NSF: variants seen among roughly 807,000 people sequenced by gnomAD.
NSF encodes the protein vesicle-fusing ATPase.
A neutral mutation model predicts 50.3 loss-of-function variants in NSF; 14 were observed. That is an observed-to-expected ratio of 0.28 (90% CI 0.18 to 0.44). The LOEUF (loss-of-function observed/expected upper bound fraction) is 0.44, where lower values mean the gene tolerates loss of function less well. Ranked by LOEUF, NSF falls within the 20% of genes least tolerant of loss-of-function variation. NSF has a pLI of 1.00. For missense variants in NSF, 218 were observed against 504.3 expected, an observed-to-expected ratio of 0.43 and a Z score of 5.44; for synonymous variants, 109 against 175.7, an observed-to-expected ratio of 0.62 and a Z score of 3.00.
rs140637553 is a variant in NSF at position 46,723,427 on chromosome 17, G to A, written c.1762-3122G>A. On this transcript the variant is annotated intron_variant, in intron 15 of 20. Coordinates refer to ENST00000398238, the MANE Select transcript of NSF (RefSeq NM_006178.4). ...TCTTCAAAAAAAGTAGCAAAGAACC[G>A]CTGTAGAACTGCTTCTGAGCTTTTC... Among the ~76,000 whole-genome samples, 333 of 152,308 alleles carry A rather than the reference G, an allele frequency of 2.2e-3. 3 individuals are homozygous for A. The highest frequency in any genetic ancestry group is 7.8e-3 in the African/African-American group (326 of 41,564).
rs1568013977 is a variant in NSF at position 46,610,045 on chromosome 17, T to TC, written c.13-14199_13-14198insC. ...TCTTTCTTTCTCTCTCTCTCTCTCT[T>TC]TCTTTCTTTCTTTCTTTCTTTCCTT... is the stretch of plus-strand genomic sequence containing the variant. On this transcript the variant is annotated intron_variant, in intron 1 of 20. Coordinates refer to ENST00000398238, the MANE Select transcript of NSF (RefSeq NM_006178.4). Among the ~76,000 whole-genome samples, 20 of 86,280 alleles carry TC rather than the reference T, an allele frequency of 2.3e-4. 1 individual carries two copies. The highest frequency in any genetic ancestry group is 4.2e-4 in the Non-Finnish European group (15 of 35,654). 56.6% of individuals were successfully genotyped at this position (86,280 alleles called of 152,430 possible).
intron 1 of NSF, among the ~76,000 whole-genome samples, chr17:46,597,775 T>TTGG (rs2057873424): frequency 1.5e-5 from 2 of 136,786 alleles, no homozygotes; most frequent in South Asian, 4.5e-4. Flanking sequence ...GTTTTTGTTG[T>TTGG]TGTTGCAATA....
At chr17:46,751,347 G>A (rs2059180079) in intron 18 of NSF, among the ~76,000 whole-genome samples, 156 bp from the exon 19 acceptor site, 1 of 152,204 alleles carries the variant, frequency 6.6e-6, no homozygotes, top group African/African-American at 2.4e-5. Context: ...GGTTTAGGAT[G>A]GTGAAGGTCA....
Position 46,722,794 on chromosome 17 carries a change from A to T in NSF, c.1762-3755A>T, listed in dbSNP as rs951091044. Among the ~76,000 whole-genome samples the T allele has an allele frequency of 6.6e-5, 10 of 152,310 alleles. No homozygotes were observed. In the South Asian group the frequency reaches 8.3e-4, roughly 13 times the overall value. On this transcript the variant is annotated intron_variant, in intron 15 of 20. Coordinates refer to ENST00000398238, the MANE Select transcript of NSF (RefSeq NM_006178.4). ...TGTATGTATGTATTTAAATTAGAGC[A>T]GAGTAGCTACCCGGAGGAGTTTCAG... is the stretch of plus-strand genomic sequence containing the variant.
At chr17:46,685,152 A>G (rs1019182338) in intron 9 of NSF, among the ~76,000 whole-genome samples, 4 of 144,574 alleles carry the variant, frequency 2.8e-5, no homozygotes, top group African/African-American at 1.0e-4. Context: ...AACACTAGGC[A>G]GAAGTGAGTT....
At chr17:46,592,900 T>TGAGG (rs2057853629) in intron 1 of NSF, among the ~76,000 whole-genome samples, 1 of 137,624 alleles carries the variant, frequency 7.3e-6, no homozygotes, top group African/African-American at 2.7e-5. Flanking sequence ...GCTGGGAATC[T>TGAGG]GAGGGAGGGA....
At chr17:46,728,480 C>A (rs954130996) in intron 16 of NSF, among the ~76,000 whole-genome samples, 1 of 151,626 alleles carries the variant, frequency 6.6e-6, no homozygotes, top group Non-Finnish European at 1.5e-5. Context: ...TTTATAGAGC[C>A]GAGTACAGTG....
At chr17:46,750,679 T>C (rs976600507) in intron 18 of NSF, among the ~76,000 whole-genome samples, 2 of 152,216 alleles carry the variant, frequency 1.3e-5, no homozygotes, top group Non-Finnish European at 2.9e-5. Flanking sequence ...TTGCTCTGTA[T>C]CCAGCATGAG....
intron 17 of NSF, among the ~76,000 whole-genome samples, chr17:46,732,604 A>T (rs1028198401): frequency 6.6e-6 from 1 of 152,216 alleles, no homozygotes; most frequent in African/African-American, 2.4e-5. Flanking sequence ...TGATTGATTT[A>T]TTAGCCCTTT....
chr17:46,748,117 A>AT (rs1389095181), intron 17 of NSF, among the ~76,000 whole-genome samples: 1 of 151,920 alleles, frequency 6.6e-6, no homozygotes, highest in Non-Finnish European at 1.5e-5. Context: ...TTATTTATTT[A>AT]TTTTTTTGAG....
At position 46,687,414 on chromosome 17, in the gene NSF, T is replaced by A. The variant is rs1391609340; in HGVS notation, c.946-5489T>A. Among the ~76,000 whole-genome samples, 5 of 151,390 alleles carry A rather than the reference T, an allele frequency of 3.3e-5. 1 individual carries two copies. Among genetic ancestry groups the A allele is most frequent in the Non-Finnish European group, 5.9e-5 (4 of 67,798 alleles). ...GAAACAAACAAACAAACAAAAAAAA[T>A]TCCCTTGTATCTTTTCCCTTCTGCA... On this transcript the variant is annotated intron_variant, in intron 9 of 20. Transcript: ENST00000398238.
rs1311518313 is a variant in NSF at position 46,751,536 on chromosome 17, A to G, written c.2077A>G (p.Thr693Ala). Residue 693 changes from threonine to alanine, a missense_variant, in exon 19 of 21, where the codon ACA becomes GCA. Thr to Ala is a moderately conservative substitution (Grantham distance 58). Around this residue, in one of 2 missense-constraint regions of NSF, gnomAD observed 209 missense variants for 320.9 expected, o/e 0.65. Coordinates refer to ENST00000398238, the MANE Select transcript of NSF (RefSeq NM_006178.4). ...CAACTTCAAGGATAAGGAACGCACCACAATTGCACAGCAAGTCAAAGGGAA... is the reference window on the plus strand; with the variant it reads ...CAACTTCAAGGATAAGGAACGCACCGCAATTGCACAGCAAGTCAAAGGGAA... Reference protein sequence around the residue: ...LGNFKDKERTTIAQQVKGKKV... With the variant: ...LGNFKDKERTAIAQQVKGKKV... The G allele has an allele frequency of 6.8e-6, 11 of 1,614,010 alleles. No individual in the cohort carries two copies. The highest frequency in any genetic ancestry group is 9.3e-6 in the Non-Finnish European group (11 of 1,179,994).
At chr17:46,749,999 T>A (rs2059166115) in intron 18 of NSF, 92 bp downstream of exon 18, 1 of 1,389,966 alleles carries the variant, frequency 7.2e-7, no homozygotes, top group Admixed American at 1.9e-5. Context: ...GTTTGGTTTT[T>A]ATGCTAATCT....
At chr17:46,718,413 C>T (rs1203067025) in intron 15 of NSF, among the ~76,000 whole-genome samples, 3 of 152,066 alleles carry the variant, frequency 2.0e-5, no homozygotes, top group Non-Finnish European at 4.4e-5. Flanking sequence ...AGAAATGATA[C>T]ATGCTTAATG....
chr17:46,691,600 A>G (rs2146228666), intron 9 of NSF, among the ~76,000 whole-genome samples: 1 of 151,652 alleles, frequency 6.6e-6, no homozygotes, highest in Middle Eastern at 3.4e-3. Flanking sequence ...ATCTCAAACA[A>G]ACAAACAAAC....
chr17:46,753,691 G>T (rs2059206205), intron 19 of NSF, among the ~76,000 whole-genome samples: 1 of 152,054 alleles, frequency 6.6e-6, no homozygotes, highest in Admixed American at 6.6e-5. Context: ...GATGCCTGCA[G>T]GTCAGTGATC....
chr17:46,751,568 C>T lies in NSF; in HGVS notation c.2109C>T (p.Val703=). The stretch of plus-strand genomic sequence containing the variant: ...CACAGCAAGTCAAAGGGAAGAAGGT[C>T]TGGATAGGAATCAAGAAGTTACTAA... ...TIAQQVKGKK[V]WIGIKKLLML... Residue 703 remains valine (V), a synonymous_variant, in exon 19 of 21, where the codon GTC becomes GTT. Transcript: ENST00000398238. 1 of 1,614,036 alleles carries T rather than the reference C, an allele frequency of 6.2e-7. No individual in the cohort carries two copies. The highest frequency in any genetic ancestry group is 1.1e-5 in the South Asian group (1 of 91,054).
At chr17:46,746,744 A>G (rs1034660514) in intron 17 of NSF, among the ~76,000 whole-genome samples, 3 of 152,188 alleles carry the variant, frequency 2.0e-5, no homozygotes, top group Non-Finnish European at 4.4e-5. Context: ...TGTATTGGTT[A>G]TTTGGCCTTG....
chr17:46,749,866 C>T lies in NSF; in HGVS notation c.2002C>T (p.Pro668Ser), dbSNP rs760063662. ...LNAFSTTIHVPNIATGEQLLE... is the reference protein window; with the variant it reads ...LNAFSTTIHVSNIATGEQLLE... The stretch of plus-strand genomic sequence containing the variant: ...CGCTTTCAGCACCACCATCCACGTG[C>T]CCAACATTGCCACAGGAGAGCAGCT... The change falls in exon 18 of 21, where the codon CCC becomes TCC. Residue 668 changes from proline to serine, a missense_variant. Pro to Ser is a moderately conservative substitution (Grantham distance 74). Around this residue, in one of 2 missense-constraint regions of NSF, gnomAD observed 209 missense variants for 320.9 expected, o/e 0.65. Coordinates refer to ENST00000398238, the MANE Select transcript of NSF (RefSeq NM_006178.4). 3 of 1,614,072 alleles carry T rather than the reference C, an allele frequency of 1.9e-6. No individual in the cohort carries two copies. The highest frequency in any genetic ancestry group is 2.5e-6 in the Non-Finnish European group (3 of 1,179,962).
Sources: allele counts gnomAD v4.1 joint callset (sites outside exome capture counted in the v4.1 genomes callset), GRCh38; gene constraint gnomAD v4.1.1; regional missense constraint gnomAD v4.1.1; transcripts MANE v1.5; gene names NCBI Gene and HGNC (gene_info 2026-07-23, HGNC 2026-07-21).